CAPG: variants seen among roughly 807,000 people sequenced by gnomAD.
CAPG encodes the protein capping actin protein, gelsolin like, also known as macrophage-capping protein.
CAPG carries 32 observed loss-of-function variants against 44.6 expected under a neutral mutation model. The ratio of observed to expected loss-of-function variants is 0.72; its 90% CI spans 0.54 to 0.96. The LOEUF is 0.96. Among genes scored for constraint, CAPG ranks in the 50% least tolerant of loss-of-function variants. The pLI is 0.00. For synonymous variants in CAPG, 175 were observed against 179.6 expected, an observed-to-expected ratio of 0.97 and a Z score of 0.20; for missense variants, 412 against 438.3, an observed-to-expected ratio of 0.94 and a Z score of 0.54.
At chr2:85,403,253 A>G (rs1686989482) in intron 1 of CAPG, among the ~76,000 whole-genome samples, 1 of 152,200 alleles carries the variant, frequency 6.6e-6, no homozygotes, top group South Asian at 2.1e-4. Flanking sequence ...CTTATATAAA[A>G]TGGGCAAATT....
rs748861828 is a variant in CAPG, at chr2:85,401,187, C to T, written c.494G>A (p.Cys165Tyr). ...CACCTGGCCCAGGTCCAGGATGAAG[C>T]AGTCCCCAGTGTTGAAGCTGTCCCA... ...LNWDSFNTGD[C>Y]FILDLGQNIF... The change falls in exon 5 of 10, where the codon TGC becomes TAC. Residue 165 changes from cysteine to tyrosine, a missense_variant. Transcript: ENST00000263867. 2.2e-5 allele frequency: 35 copies of T among 1,614,006 alleles called. No homozygotes were observed. The Admixed American group carries it at 5.8e-4, about 27-fold the overall frequency.
At chr2:85,417,607 C>G (rs1379115304) in intron 1 of CAPG, among the ~76,000 whole-genome samples, 3 of 151,854 alleles carry the variant, frequency 2.0e-5, no homozygotes, top group African/African-American at 7.3e-5. Flanking sequence ...CTCAGCCTCC[C>G]GAGTAGCTGG....
At position 85,398,039 on chromosome 2, in the gene CAPG, G is replaced by GCCC. The variant is rs1686687481; in HGVS notation, c.872_873insGGG (p.Gly291dup). 6.2e-7 allele frequency: 1 copy of GCCC among 1,613,992 alleles called. No homozygotes were observed. The highest frequency in any genetic ancestry group is 8.5e-7 in the Non-Finnish European group (1 of 1,180,014). ...ACGTACCCTTCCAGATATAGATCTT[G>GCCC]CCACAGAGCCCGTTGTCCAGCACAA... On this transcript the variant is annotated inframe_insertion, in exon 8 of 10. Coordinates refer to ENST00000263867, the MANE Select transcript of CAPG (RefSeq NM_001747.4).
At position 85,395,705 on chromosome 2, in the gene CAPG, A is replaced by C; in HGVS notation, c.893-79T>G. ...ATCCCATTTTTCTTGAGGAAATTTA[A>C]GGGAGTCCACAGAAGAGCCAGCAAT... On this transcript the variant is annotated intron_variant, in intron 8 of 9. Coordinates refer to ENST00000263867, the MANE Select transcript of CAPG (RefSeq NM_001747.4). The surrounding 1 kb of genome is among the most constrained non-coding windows in gnomAD (Gnocchi z 4.3). 1 of 1,048,812 alleles carries C rather than the reference A, an allele frequency of 9.5e-7. No homozygotes were observed. The highest frequency in any genetic ancestry group is 1.4e-6 in the Non-Finnish European group (1 of 695,662). The allele number at this position is 1,048,812 out of a possible 1,614,324, so 65.0% of individuals were successfully genotyped here.
chr2:85,413,630 T>G (rs1687482294), upstream of CAPG, among the ~76,000 whole-genome samples: 1 of 152,128 alleles, frequency 6.6e-6, no homozygotes, highest in South Asian at 2.1e-4. Context: ...TCGCTCAGCC[T>G]AGGACTCTCG....
chr2:85,397,414 C>T (rs776534599), intron 8 of CAPG, among the ~76,000 whole-genome samples: 1 of 152,144 alleles, frequency 6.6e-6, no homozygotes, highest in Non-Finnish European at 1.5e-5. Context: ...GAGGTGGGAA[C>T]AGCAAAGAGA....
chr2:85,406,136 T>C (rs1687141094), intron 1 of CAPG, among the ~76,000 whole-genome samples: 2 of 151,370 alleles, frequency 1.3e-5, no homozygotes, highest in South Asian at 2.1e-4. Flanking sequence ...ACCCCGTCTC[T>C]ACTAAAAGCA....
At chr2:85,402,709 G>C (rs1686962355) in intron 1 of CAPG, among the ~76,000 whole-genome samples, 1 of 151,220 alleles carries the variant, frequency 6.6e-6, no homozygotes, top group African/African-American at 2.4e-5. Flanking sequence ...CAAGTGATTT[G>C]CCCATCTCAG....
chr2:85,392,375 G>A (rs534317254), downstream of CAPG, among the ~76,000 whole-genome samples: 16 of 148,330 alleles, frequency 1.1e-4, no homozygotes, highest in Non-Finnish European at 1.8e-4. Context: ...GGGCAGCAGA[G>A]CGAGACTCCG....
chr2:85,410,714 G>T (rs3770102), upstream of CAPG, among the ~76,000 whole-genome samples: 53,956 of 152,114 alleles, frequency 0.35, 10,026 homozygotes, highest in Non-Finnish European at 0.41. Flanking sequence ...GGGCAGGCGC[G>T]GCACAGCCCC....
intron 1 of CAPG, among the ~76,000 whole-genome samples, chr2:85,403,886 C>CAAAAAAAAAAAAAAAAAAAAAAAAAA (rs36054381): frequency 1.4e-5 from 1 of 69,788 alleles, no homozygotes. Context: ...GACTCCATCT[C>CAAAAAAAAAAAAAAAAAAAAAAAAAA]AAAAAAAAAA....
At chr2:85,398,233 C>A in intron 7 of CAPG, 81 bp from the exon 8 acceptor site, 1 of 1,507,234 alleles carries the variant, frequency 6.6e-7, no homozygotes, top group Non-Finnish European at 9.0e-7. Context: ...GGCTGGTCCT[C>A]CCTAGGTCCC....
rs140150295 is a variant in CAPG at position 85,401,889 on chromosome 2, G to A, written c.92C>T (p.Pro31Leu). 3.1e-5 allele frequency: 50 copies of A among 1,613,938 alleles called. No homozygotes were observed. The Middle Eastern group carries it at 4.9e-4, about 16-fold the overall frequency. ...LHVWRVEKLKPVPVAQENQGV... is the reference protein window; with the variant it reads ...LHVWRVEKLKLVPVAQENQGV... ...CTGGTTCTCTTGCGCCACAGGCACC[G>A]GCTTCAGCTTCTCCACCCGCCACAC... The change falls in exon 3 of 10, where the codon CCG becomes CTG. Residue 31 changes from proline (P) to leucine (L), a missense_variant. Physicochemically the swap from Pro to Leu is moderately conservative, Grantham distance 98. Transcript: ENST00000263867.
In CAPG at chr2:85,418,265, ACCTAGAGGTCAGT is replaced by A. The variant is rs1226229943; in HGVS notation, c.-25_-14+1del. ...CCCCTCTTTGTGCCTCGGTTTGCCC[ACCTAGAGGTCAGT>A]CCCGCAGGCGTGGCGGGTACATCTC... On this transcript the variant is annotated splice_donor_variant and 5_prime_UTR_variant, in exon 1 of 6. Transcript: ENST00000409275. LOFTEE classifies it low-confidence loss of function (5UTR_SPLICE). The A allele has an allele frequency of 4.6e-5, 7 of 152,130 alleles. No homozygotes were observed. Among genetic ancestry groups the A allele is most frequent in the Admixed American group, 4.6e-4 (7 of 15,282 alleles). The allele number at this position is 152,130 out of a possible 1,614,324, so 9.4% of individuals were successfully genotyped here.
chr2:85,398,167 C>T lies in CAPG; in HGVS notation c.760-15G>A, dbSNP rs1206833553. The T allele has an allele frequency of 2.1e-5, 34 of 1,611,324 alleles. No homozygotes were observed. The highest frequency in any genetic ancestry group is 2.8e-5 in the Non-Finnish European group (33 of 1,179,016). ...GCATCAGAGACCTGGGGAGGAGGGA[C>T]AGTGCCTGATCTCACCCCCCACACA... On this transcript the variant is annotated splice_polypyrimidine_tract_variant and intron_variant, in intron 7 of 9. Transcript: ENST00000263867.
chr2:85,402,397 C>T (rs1480734057), intron 1 of CAPG, among the ~76,000 whole-genome samples: 2 of 152,076 alleles, frequency 1.3e-5, no homozygotes, highest in African/African-American at 4.8e-5. Context: ...CAGGGTCTTC[C>T]GTCTGCTGAG....
chr2:85,400,975 G>A (rs1686855100), intron 5 of CAPG, among the ~76,000 whole-genome samples, 190 bp downstream of exon 5: 2 of 152,248 alleles, frequency 1.3e-5, no homozygotes. Flanking sequence ...CAGAGGCAAT[G>A]TCTAGATGGC....
chr2:85,401,423 C>T, intron 4 of CAPG, 94 bp from the exon 5 acceptor site: 2 of 1,576,990 alleles, frequency 1.3e-6, no homozygotes, highest in Non-Finnish European at 1.7e-6. Flanking sequence ...AGGTGGGGAC[C>T]CGGCTCCAAA....
chr2:85,404,711 G>T (rs931172595), intron 1 of CAPG, among the ~76,000 whole-genome samples: 1 of 151,942 alleles, frequency 6.6e-6, no homozygotes, highest in East Asian at 1.9e-4. Context: ...TTGTGCCACT[G>T]CACTCCAGCC....
Sources: allele counts gnomAD v4.1 joint callset (sites outside exome capture counted in the v4.1 genomes callset), GRCh38; gene constraint gnomAD v4.1.1; non-coding constraint Gnocchi (gnomAD v3.1); transcripts MANE v1.5; gene names NCBI Gene and HGNC (gene_info 2026-07-23, HGNC 2026-07-21).